The following LINGO2 variants were observed in gnomAD, a reference collection of about 807,000 sequenced individuals.
LINGO2 encodes the protein leucine rich repeat and Ig domain containing 2, also known as leucine-rich repeat and immunoglobulin-like domain-containing nogo receptor-interacting protein 2.
LINGO2 carries 14 observed loss-of-function variants against 30.6 expected under a neutral mutation model. That is an observed-to-expected ratio of 0.46 (90% confidence interval 0.30 to 0.72). LINGO2 has a LOEUF of 0.72. LINGO2 is among the 30% of genes least tolerant of loss of function. The pLI, the probability that LINGO2 is intolerant of heterozygous loss-of-function variation, is 0.07. For synonymous variants in LINGO2, 317 were observed against 288.5 expected, an observed-to-expected ratio of 1.10 and a Z score of -1.00; for missense variants, 729 against 751.7, an observed-to-expected ratio of 0.97 and a Z score of 0.35.
the LINGO2 span, among the ~76,000 whole-genome samples, chr9:28,854,135 T>G: frequency 1.3e-5 from 2 of 151,956 alleles, no homozygotes; most frequent in African/African-American, 4.8e-5. Flanking sequence ...TGCTGCTAAA[T>G]GTACTGCAAT....
the LINGO2 span, among the ~76,000 whole-genome samples, chr9:29,051,974 G>C: frequency 3.3e-5 from 5 of 152,118 alleles, no homozygotes; most frequent in Non-Finnish European, 5.9e-5. Context: ...AGATGTGTGT[G>C]AATATATAAT....
chr9:27,955,935 CTTTTTTTTTTTT>C (rs532878364), intron 5 of LINGO2, among the ~76,000 whole-genome samples: 6,450 of 106,912 alleles, frequency 0.06, 489 homozygotes, highest in African/African-American at 0.2. Flanking sequence ...TGGATACTGA[CTTTTTTTTTTTT>C]TTTTTTTTTG....
chr9:28,343,893 C>G (rs978539979), intron 3 of LINGO2, among the ~76,000 whole-genome samples: 1 of 152,050 alleles, frequency 6.6e-6, no homozygotes, highest in African/African-American at 2.4e-5. Context: ...GGAAACCCTC[C>G]AAATAAAATG....
chr9:28,989,956 C>T, the LINGO2 span, among the ~76,000 whole-genome samples: 8 of 152,248 alleles, frequency 5.3e-5, no homozygotes, highest in South Asian at 2.1e-4. Flanking sequence ...CAGCTCCCAG[C>T]GTGAGCGACG....
At chr9:29,195,707 T>G in the LINGO2 span, among the ~76,000 whole-genome samples, 1 of 152,148 alleles carries the variant, frequency 6.6e-6, no homozygotes, top group East Asian at 1.9e-4. Flanking sequence ...ATATTGAATT[T>G]TGATCACTAG....
At chr9:28,015,442 C>T (rs1311867307) in intron 4 of LINGO2, among the ~76,000 whole-genome samples, 1 of 151,606 alleles carries the variant, frequency 6.6e-6, no homozygotes, top group Non-Finnish European at 1.5e-5. Context: ...TACTGTCAAG[C>T]CCGTAAGTAA....
intron 4 of LINGO2, among the ~76,000 whole-genome samples, chr9:28,110,956 A>G (rs1428692949): frequency 6.6e-6 from 1 of 152,142 alleles, no homozygotes; most frequent in Admixed American, 6.5e-5. Context: ...TTGCAGCACT[A>G]TTTACACTAG....
chr9:28,642,399 T>G (rs1827634563), intron 1 of LINGO2, among the ~76,000 whole-genome samples: 1 of 152,162 alleles, frequency 6.6e-6, no homozygotes, highest in South Asian at 2.1e-4. Flanking sequence ...TGCTGGATTT[T>G]ATTTCATACA....
chr9:28,697,856 T>C, the LINGO2 span, among the ~76,000 whole-genome samples: 1 of 152,068 alleles, frequency 6.6e-6, no homozygotes, highest in African/African-American at 2.4e-5. Context: ...CAAAAAATAA[T>C]ATTTGGTGTT....
At chr9:29,020,292 G>A in the LINGO2 span, among the ~76,000 whole-genome samples, 51 of 152,214 alleles carry the variant, frequency 3.4e-4, no homozygotes, top group African/African-American at 1.2e-3. Context: ...AACCAAACAC[G>A]ATATACCACA....
the LINGO2 span, among the ~76,000 whole-genome samples, chr9:28,903,136 AAAT>A: frequency 1.3e-5 from 2 of 152,022 alleles, no homozygotes; most frequent in Non-Finnish European, 2.9e-5. Flanking sequence ...CAGCTAATCT[AAAT>A]AAGAAAAGAC....
the LINGO2 span, among the ~76,000 whole-genome samples, chr9:28,724,581 T>A: frequency 7.9e-5 from 12 of 152,176 alleles, no homozygotes; most frequent in African/African-American, 2.9e-4. Flanking sequence ...TCACGGATGA[T>A]AACCTACCTA....
chr9:28,728,935 A>G, the LINGO2 span, among the ~76,000 whole-genome samples: 1 of 152,144 alleles, frequency 6.6e-6, no homozygotes, highest in African/African-American at 2.4e-5. Flanking sequence ...AAGAAGGCAG[A>G]TCTCTCAACA....
chr9:28,674,497 T>C (rs965410029), upstream of LINGO2, among the ~76,000 whole-genome samples: 2 of 152,154 alleles, frequency 1.3e-5, no homozygotes, highest in Non-Finnish European at 2.9e-5. Context: ...GTGTTTCAGA[T>C]AAAAGACTTG....
At chr9:28,680,159 T>C in the LINGO2 span, among the ~76,000 whole-genome samples, 1 of 152,008 alleles carries the variant, frequency 6.6e-6, no homozygotes, top group Non-Finnish European at 1.5e-5. Flanking sequence ...CCACACCTGC[T>C]CTCTACTTCT....
intron 4 of LINGO2, among the ~76,000 whole-genome samples, chr9:28,157,930 C>A (rs1828180583): frequency 6.6e-6 from 1 of 152,190 alleles, no homozygotes; most frequent in African/African-American, 2.4e-5. Flanking sequence ...TTCAACATGT[C>A]TCTAGGGAGT....
At chr9:29,175,575 G>GGA in the LINGO2 span, among the ~76,000 whole-genome samples, 4 of 142,298 alleles carry the variant, frequency 2.8e-5, no homozygotes, top group Non-Finnish European at 6.0e-5. Context: ...CACCCAGGAT[G>GGA]GAGTGCAGTG....
chr9:28,157,628 G>A (rs1455876143), intron 4 of LINGO2, among the ~76,000 whole-genome samples: 2 of 152,136 alleles, frequency 1.3e-5, no homozygotes, highest in Non-Finnish European at 2.9e-5. Context: ...TCGTGAGGCT[G>A]CAAATTTTCT....
At chr9:28,824,535 G>A in the LINGO2 span, among the ~76,000 whole-genome samples, 3 of 152,096 alleles carry the variant, frequency 2.0e-5, no homozygotes, top group Non-Finnish European at 4.4e-5. Context: ...TGGCAAATCA[G>A]TTTCAAGTTT....
Sources: gnomAD v4.1 joint callset for allele counts (sites outside exome capture counted in the v4.1 genomes callset) on GRCh38, gnomAD v4.1.1 for gene constraint, MANE v1.5 for transcripts, NCBI Gene and HGNC (gene_info 2026-07-23, HGNC 2026-07-21) for gene names.